FER: variants seen among roughly 807,000 people sequenced by gnomAD.
The protein encoded by FER is FER tyrosine kinase.
Under a neutral mutation model 111.0 loss-of-function variants are expected in FER, and 63 were observed. That is an observed-to-expected ratio of 0.57 (90% CI 0.46 to 0.70). The LOEUF (loss-of-function observed/expected upper bound fraction) is 0.70. Among genes scored for constraint, FER ranks in the 30% least tolerant of loss-of-function variants. The probability of loss-of-function intolerance (pLI) is 0.00; values close to 1 mark genes in which losing one functional copy is unlikely to be tolerated. For synonymous variants in FER, 327 were observed against 313.9 expected (o/e 1.04, Z -0.44); for missense variants, 914 against 954.0 (o/e 0.96, Z 0.55).
At chr5:108,884,997 T>A (rs1001441467) in intron 9 of FER, among the ~76,000 whole-genome samples, 1 of 151,968 alleles carries the variant, frequency 6.6e-6, no homozygotes, top group Admixed American at 6.6e-5. Context: ...AATCCTCTCT[T>A]TCTGGCCACT....
chr5:109,180,780 A>AAAT lies in FER; in HGVS notation c.2086_2088dup (p.Asn696dup). ...CTGCAAGAAACTGCCTGGTAGGTGA[A>AAAT]AATAATGTTCTGAAAATCAGTGACT... On this transcript the variant is annotated inframe_insertion, in exon 18 of 20. Transcript: ENST00000281092. The AAAT allele has an allele frequency of 2.5e-6, 4 of 1,613,442 alleles. No individual in the cohort carries two copies. Among genetic ancestry groups the AAAT allele is most frequent in the Non-Finnish European group, 3.4e-6 (4 of 1,179,640 alleles).
chr5:108,759,327 A>G (rs1219789499), intron 1 of FER, among the ~76,000 whole-genome samples: 1 of 152,164 alleles, frequency 6.6e-6, no homozygotes, highest in Non-Finnish European at 1.5e-5. Flanking sequence ...TCTGTCTGAG[A>G]CCTCATCAGA....
chr5:108,919,306 G>A (rs1424911979), intron 10 of FER, among the ~76,000 whole-genome samples: 2 of 150,552 alleles, frequency 1.3e-5, no homozygotes, highest in Non-Finnish European at 3.0e-5. Flanking sequence ...CTTTATAGAT[G>A]ATCAGTATTT....
intron 3 of FER, among the ~76,000 whole-genome samples, chr5:108,823,371 A>G (rs1420241089): frequency 6.6e-6 from 1 of 152,230 alleles, no homozygotes; most frequent in African/African-American, 2.4e-5. Flanking sequence ...TGTTTTACAT[A>G]ATGGGTGTCC....
intron 17 of FER, among the ~76,000 whole-genome samples, chr5:109,166,482 C>G (rs1427396345): frequency 6.6e-6 from 1 of 152,178 alleles, no homozygotes; most frequent in Admixed American, 6.6e-5. Flanking sequence ...TCTGCCCATT[C>G]TTACTGTTGA....
chr5:108,919,186 A>G (rs972734403), intron 10 of FER, among the ~76,000 whole-genome samples: 2 of 151,242 alleles, frequency 1.3e-5, no homozygotes, highest in Non-Finnish European at 2.9e-5. Flanking sequence ...GTTACATTTT[A>G]CTCATTGATA....
intron 17 of FER, among the ~76,000 whole-genome samples, chr5:109,125,965 G>T (rs1751666257): frequency 6.6e-6 from 1 of 152,098 alleles, no homozygotes; most frequent in East Asian, 1.9e-4. Context: ...TCCACAGATG[G>T]CTGATTCATT....
At chr5:109,158,581 C>T (rs1324982974) in intron 17 of FER, among the ~76,000 whole-genome samples, 1 of 152,096 alleles carries the variant, frequency 6.6e-6, no homozygotes, top group Non-Finnish European at 1.5e-5. Flanking sequence ...CTTTGATATT[C>T]TTTTAAATCT....
At chr5:108,930,677 C>T (rs1482732868) in intron 10 of FER, among the ~76,000 whole-genome samples, 2 of 139,594 alleles carry the variant, frequency 1.4e-5, no homozygotes, top group Non-Finnish European at 3.1e-5. Flanking sequence ...CTGGTTGTGC[C>T]ATCTGGGTTC....
chr5:108,921,935 C>T (rs1238120241), intron 10 of FER, among the ~76,000 whole-genome samples: 2 of 152,210 alleles, frequency 1.3e-5, no homozygotes, highest in Admixed American at 6.5e-5. Flanking sequence ...TGTATGTGAC[C>T]TACTTTGGAA....
At chr5:109,047,233 T>A in intron 16 of FER, 35 bp downstream of exon 16, 8 of 1,162,884 alleles carry the variant, frequency 6.9e-6, no homozygotes, top group Non-Finnish European at 1.0e-5. Context: ...ATGATGACAT[T>A]TTAATGTCAT....
chr5:108,898,607 T>TTTCC (rs974127712), intron 10 of FER, among the ~76,000 whole-genome samples: 206 of 114,896 alleles, frequency 1.8e-3, no homozygotes, highest in African/African-American at 4.2e-3. Context: ...TCCCCTCCCC[T>TTTCC]TTCCTTCCTT....
At chr5:109,051,841 G>C (rs1281404026) in intron 16 of FER, 1 of 1,595,508 alleles carries the variant, frequency 6.3e-7, no homozygotes, top group African/African-American at 1.3e-5. Context: ...GATGAAGATG[G>C]TTTTCTCCAT....
chr5:109,173,904 T>C (rs918275057), intron 17 of FER, among the ~76,000 whole-genome samples: 63 of 152,248 alleles, frequency 4.1e-4, no homozygotes, highest in African/African-American at 1.3e-3. Flanking sequence ...CTGTAGGGCA[T>C]TGAACCAACC....
At chr5:109,028,493 G>A (rs917608204) in intron 13 of FER, among the ~76,000 whole-genome samples, 1 of 152,088 alleles carries the variant, frequency 6.6e-6, no homozygotes, top group Non-Finnish European at 1.5e-5. Flanking sequence ...ACTCTATTTT[G>A]GGTAACAGTA....
Position 108,944,585 on chromosome 5 carries a change from G to C in FER, c.1237-1545G>C, listed in dbSNP as rs979879633. 4.6e-5 allele frequency among the ~76,000 whole-genome samples: 7 copies of C among 152,106 alleles called. No individual in the cohort carries two copies. In the East Asian group the frequency reaches 1.4e-3, roughly 29 times the overall value. ...GATTGTTTGATGTAAAAATCAACCT[G>C]TCAATGAATTCAGCACAGTCTGATG... On this transcript the variant is annotated intron_variant, in intron 10 of 19. Coordinates refer to ENST00000281092, the MANE Select transcript of FER (RefSeq NM_005246.4).
intron 17 of FER, among the ~76,000 whole-genome samples, chr5:109,158,790 G>GT (rs1286269907): frequency 6.6e-6 from 1 of 151,998 alleles, no homozygotes; most frequent in Non-Finnish European, 1.5e-5. Context: ...CTCTGCTCAG[G>GT]TTATACCTTC....
chr5:108,992,864 T>G (rs1469176199), intron 13 of FER, among the ~76,000 whole-genome samples: 1 of 131,770 alleles, frequency 7.6e-6, no homozygotes, highest in Non-Finnish European at 1.6e-5. Flanking sequence ...CCAGACGGGG[T>G]CGCGGCCAGG....
chr5:108,847,495 A>T (rs959544521), intron 5 of FER, among the ~76,000 whole-genome samples: 1 of 152,080 alleles, frequency 6.6e-6, no homozygotes, highest in African/African-American at 2.4e-5. Flanking sequence ...TGTTCTTTGG[A>T]GTGATCTACA....
Sources: gnomAD v4.1 joint callset for allele counts (sites outside exome capture counted in the v4.1 genomes callset) on GRCh38, gnomAD v4.1.1 for gene constraint, MANE v1.5 for transcripts, NCBI Gene and HGNC (gene_info 2026-07-23, HGNC 2026-07-21) for gene names.